Variants in DNER observed in about 807,000 individuals in gnomAD.
The protein encoded by DNER is delta/notch like EGF repeat containing.
DNER carries 33 observed loss-of-function variants against 78.2 expected under a neutral mutation model. The observed-to-expected ratio is 0.42, with a 90% confidence interval of 0.32 to 0.56. DNER has a LOEUF of 0.56. DNER is among the 20% of genes least tolerant of loss of function. DNER has a pLI of 0.11. For synonymous variants in DNER, 417 were observed against 384.8 expected, an observed-to-expected ratio of 1.08 and a Z score of -0.98; for missense variants, 918 against 975.3, an observed-to-expected ratio of 0.94 and a Z score of 0.78.
At chr2:229,462,089 T>G (rs1315821771) in intron 7 of DNER, among the ~76,000 whole-genome samples, 1 of 152,140 alleles carries the variant, frequency 6.6e-6, no homozygotes, top group Non-Finnish European at 1.5e-5. Flanking sequence ...TCCTTCAAAT[T>G]TTGTGTTTGA....
intron 10 of DNER, among the ~76,000 whole-genome samples, chr2:229,392,918 C>T (rs1693046778): frequency 6.6e-6 from 1 of 152,080 alleles, no homozygotes; most frequent in Admixed American, 6.5e-5. Context: ...AATTATTAGA[C>T]ATGCAACAAA....
chr2:229,667,347 CT>C (rs1699110223), intron 1 of DNER, among the ~76,000 whole-genome samples: 1 of 152,180 alleles, frequency 6.6e-6, no homozygotes, highest in African/African-American at 2.4e-5. Flanking sequence ...TGATTTACCA[CT>C]CTGCAAAGTG....
At chr2:229,493,191 C>T (rs754525550) in intron 6 of DNER, among the ~76,000 whole-genome samples, 2 of 152,048 alleles carry the variant, frequency 1.3e-5, no homozygotes, top group Admixed American at 6.6e-5. Flanking sequence ...CCCGTTGCCT[C>T]GGAAATAACG....
At chr2:229,564,368 C>CCAT (rs1324758382) in intron 4 of DNER, among the ~76,000 whole-genome samples, 2 of 142,146 alleles carry the variant, frequency 1.4e-5, no homozygotes, top group Admixed American at 7.1e-5. Context: ...CACCCCATCA[C>CCAT]CATCATCATC....
chr2:229,587,033 T>C (rs1697515064), intron 3 of DNER: 2 of 978,014 alleles, frequency 2.0e-6, no homozygotes, highest in Non-Finnish European at 2.4e-6. Context: ...TTCGGTCCCG[T>C]TCTGCAGCTT....
intron 7 of DNER, among the ~76,000 whole-genome samples, chr2:229,454,394 A>C (rs563289067): frequency 6.6e-6 from 1 of 152,350 alleles, no homozygotes; most frequent in South Asian, 2.1e-4. Flanking sequence ...AATTTCACTA[A>C]AGAGATGATC....
chr2:229,713,435 G>T (rs1241341825), intron 1 of DNER, among the ~76,000 whole-genome samples: 2 of 152,160 alleles, frequency 1.3e-5, no homozygotes, highest in Non-Finnish European at 2.9e-5. Flanking sequence ...CTCACGCCCC[G>T]GCTGCCAGCC....
intron 1 of DNER, among the ~76,000 whole-genome samples, chr2:229,603,058 G>A (rs1049728168): frequency 2.6e-5 from 4 of 152,084 alleles, no homozygotes; most frequent in African/African-American, 9.7e-5. Flanking sequence ...GAAACAGAAA[G>A]GATCACACAG....
chr2:229,420,688 A>C (rs574674523), intron 8 of DNER, among the ~76,000 whole-genome samples: 13 of 152,334 alleles, frequency 8.5e-5, no homozygotes, highest in South Asian at 4.1e-4. Flanking sequence ...TGCAAATTAA[A>C]ATCATAACAA....
intron 1 of DNER, among the ~76,000 whole-genome samples, chr2:229,681,304 G>A (rs184167203): frequency 1.3e-5 from 2 of 152,210 alleles, no homozygotes; most frequent in Non-Finnish European, 2.9e-5. Context: ...ACCACCCCAA[G>A]GTTCTAACAC....
At chr2:229,566,234 T>C (rs925423897) in intron 4 of DNER, among the ~76,000 whole-genome samples, 6 of 152,172 alleles carry the variant, frequency 3.9e-5, no homozygotes, top group South Asian at 4.1e-4. Flanking sequence ...ATTGTGAACA[T>C]GATCTTTCAA....
chr2:229,650,142 C>T (rs1698790338), intron 1 of DNER, among the ~76,000 whole-genome samples: 2 of 151,754 alleles, frequency 1.3e-5, no homozygotes, highest in African/African-American at 4.8e-5. Flanking sequence ...ACTTACATCC[C>T]ATGAAATAAA....
chr2:229,702,688 C>G (rs1246086396), intron 1 of DNER, among the ~76,000 whole-genome samples: 1 of 152,086 alleles, frequency 6.6e-6, no homozygotes, highest in African/African-American at 2.4e-5. Flanking sequence ...GAGGCCGAGG[C>G]AGGCGGATCA....
At chr2:229,386,788 G>A (rs530925482) in intron 11 of DNER, among the ~76,000 whole-genome samples, 19 of 152,076 alleles carry the variant, frequency 1.2e-4, no homozygotes, top group East Asian at 3.9e-4. Flanking sequence ...ACCATCTCAC[G>A]TCAGTTAGAA....
At chr2:229,532,234 GT>G (rs1454527845) in intron 5 of DNER, among the ~76,000 whole-genome samples, 1 of 152,008 alleles carries the variant, frequency 6.6e-6, no homozygotes, top group African/African-American at 2.4e-5. Flanking sequence ...GAAAAGGAAG[GT>G]TTCCTCCCCT....
chr2:229,682,228 A>G (rs985691404), intron 1 of DNER, among the ~76,000 whole-genome samples: 5 of 152,228 alleles, frequency 3.3e-5, no homozygotes, highest in Non-Finnish European at 7.3e-5. Flanking sequence ...AAACTCCAGT[A>G]TAAAATTCAG....
At chr2:229,615,464 C>T (rs1698136981) in intron 1 of DNER, among the ~76,000 whole-genome samples, 1 of 151,276 alleles carries the variant, frequency 6.6e-6, no homozygotes, top group East Asian at 1.9e-4. Flanking sequence ...AATCCCAGCA[C>T]CTTGGGAGGC....
intron 12 of DNER, among the ~76,000 whole-genome samples, chr2:229,361,710 G>T (rs968031387): frequency 1.3e-5 from 2 of 151,842 alleles, no homozygotes; most frequent in Admixed American, 1.3e-4. Flanking sequence ...TATGTATGAA[G>T]CCCCTCTGAA....
chr2:229,582,694 C>T lies in DNER; in HGVS notation c.847+3164G>A, dbSNP rs200693834. Among the ~76,000 whole-genome samples the T allele has an allele frequency of 7.9e-5, 12 of 152,192 alleles. No homozygotes were observed. The East Asian group carries it at 2.3e-3, about 29-fold the overall frequency. On this transcript the variant is annotated intron_variant, in intron 4 of 12. Coordinates refer to ENST00000341772, the MANE Select transcript of DNER (RefSeq NM_139072.4). Reference sequence around the variant, plus strand: ...TCACTCTGCTGCCCAGGCTAGAGTGCAGTGGCGTGATCTTGGCTCACTGCA... The same window carrying T: ...TCACTCTGCTGCCCAGGCTAGAGTGTAGTGGCGTGATCTTGGCTCACTGCA...
Sources: allele counts gnomAD v4.1 joint callset (sites outside exome capture counted in the v4.1 genomes callset), GRCh38; gene constraint gnomAD v4.1.1; transcripts MANE v1.5; gene names NCBI Gene and HGNC (gene_info 2026-07-23, HGNC 2026-07-21).